Variants in PLEKHH3 observed in about 807,000 individuals in gnomAD.
PLEKHH3 encodes the protein pleckstrin homology, MyTH4 and FERM domain containing H3.
PLEKHH3 carries 57 observed loss-of-function variants against 77.8 expected under a neutral mutation model. The observed-to-expected ratio is 0.73, with a 90% CI of 0.59 to 0.91. The LOEUF (loss-of-function observed/expected upper bound fraction) is 0.91, where lower values mean the gene tolerates loss of function less well. Among genes scored for constraint, PLEKHH3 ranks in the 40% least tolerant of loss-of-function variants. PLEKHH3 has a pLI of 0.00. For missense variants in PLEKHH3, 1,082 were observed against 1,091.2 expected, an observed-to-expected ratio of 0.99 and a Z score of 0.12; for synonymous variants, 467 against 504.8, an observed-to-expected ratio of 0.93 and a Z score of 1.00.
chr17:42,672,417 A>G (rs549761471), intron 6 of PLEKHH3, 25 bp from the exon 7 acceptor site: 1 of 1,484,812 alleles, frequency 6.7e-7, no homozygotes, highest in African/African-American at 1.4e-5. Context: ...GGGCGGAGGG[A>G]CGGTTTGGAG....
In PLEKHH3 at chr17:42,673,692, G is replaced by T. The variant is rs1235719483; in HGVS notation, c.441C>A (p.Leu147=). Residue 147 remains leucine, a synonymous_variant, in exon 4 of 13, where the codon CTC becomes CTA. Coordinates refer to ENST00000591022, the MANE Select transcript of PLEKHH3 (RefSeq NM_024927.5). ...KGARRLGSLV[L]TSLCSVTGPE... ...GGCCGGTCACCGAGCACAGGCTGGT[G>T]AGCACGAGGCTCCCGAGACGCCGCG... 2 of 1,602,026 alleles carry T rather than the reference G, an allele frequency of 1.2e-6. No individual in the cohort carries two copies. The highest frequency in any genetic ancestry group is 1.7e-6 in the Non-Finnish European group (2 of 1,179,900).
At chr17:42,668,452 T>C (rs2143542522) in intron 12 of PLEKHH3, 149 bp from the exon 13 acceptor site, 2 of 593,442 alleles carry the variant, frequency 3.4e-6, no homozygotes, top group South Asian at 7.4e-5. Flanking sequence ...CACCACTCTC[T>C]CCTTCATTTC....
Position 42,671,067 on chromosome 17 carries a change from C to G in PLEKHH3, c.1348G>C (p.Glu450Gln), listed in dbSNP as rs201709134. The stretch of plus-strand genomic sequence containing the variant: ...GCTCGCTCCTGGGCCCCTCGCTGCT[C>G]GTACAGCGCGAATGCGTTGCGGCTC... ...ARSRNAFALY[E>Q]QRGAQERALA... The change falls in exon 9 of 13, where the codon GAG becomes CAG. Residue 450 changes from glutamate to glutamine, a missense_variant. Coordinates refer to ENST00000591022, the MANE Select transcript of PLEKHH3 (RefSeq NM_024927.5). The surrounding 1 kb of genome is among the most constrained non-coding windows in gnomAD (Gnocchi z 4.7). 201 of 1,609,192 alleles carry G rather than the reference C, an allele frequency of 1.2e-4. No homozygotes were observed. The highest frequency in any genetic ancestry group is 1.6e-4 in the Non-Finnish European group (190 of 1,178,030).
Position 42,672,110 on chromosome 17 carries a change from C to T in PLEKHH3, c.1052G>A (p.Gly351Glu), listed in dbSNP as rs558713990. ...CCTCTCCAAGTGCCCCAGGAGGTGC[C>T]CCCGCACAGCTCCCCCAGGTCGGAA... is the stretch of plus-strand genomic sequence containing the variant. ...CTFRPGGAVR[G>E]HLLGHLERTE... Residue 351 changes from glycine to glutamate, a missense_variant, in exon 7 of 13, where the codon GGG becomes GAG. Around this residue, in one of 3 missense-constraint regions of PLEKHH3, gnomAD observed 733 missense variants for 750.0 expected, o/e 0.98. Transcript: ENST00000591022. 2.0e-6 allele frequency: 3 copies of T among 1,511,054 alleles called. No homozygotes were observed. The highest frequency in any genetic ancestry group is 2.6e-5 in the South Asian group (2 of 78,048). 93.6% of individuals were successfully genotyped at this position (1,511,054 alleles called of 1,614,324 possible).
chr17:42,674,212 G>A, intron 2 of PLEKHH3, 142 bp downstream of exon 2: 1 of 1,161,108 alleles, frequency 8.6e-7, no homozygotes, highest in Non-Finnish European at 1.2e-6. Context: ...CAGCCGGACC[G>A]CCCCCCGGGA....
At chr17:42,672,519 T>G (rs1597792158) in intron 6 of PLEKHH3, 127 bp from the exon 7 acceptor site, 1 of 751,072 alleles carries the variant, frequency 1.3e-6, no homozygotes, top group Non-Finnish European at 2.1e-6. Flanking sequence ...GAGGGGAGGG[T>G]ACGAACGACA....
intron 4 of PLEKHH3, 22 bp downstream of exon 4, chr17:42,673,621 G>A: frequency 6.3e-7 from 1 of 1,599,784 alleles, no homozygotes; most frequent in South Asian, 1.1e-5. Context: ...AGGAAGGTAG[G>A]AGAGTCCCCA....
At position 42,673,663 on chromosome 17, in the gene PLEKHH3, T is replaced by A; in HGVS notation, c.470A>T (p.Glu157Val). The A allele has an allele frequency of 6.2e-7, 1 of 1,602,550 alleles. No homozygotes were observed. The highest frequency in any genetic ancestry group is 1.1e-5 in the South Asian group (1 of 91,044). Residue 157 changes from glutamate to valine, a missense_variant, in exon 4 of 13, where the codon GAG becomes GTG. Physicochemically the swap from Glu to Val is moderately radical, Grantham distance 121 (BLOSUM62 -2). Coordinates refer to ENST00000591022, the MANE Select transcript of PLEKHH3 (RefSeq NM_024927.5). ...LTSLCSVTGP[E>V]RRRKETGLWS... Reference sequence around the variant, plus strand: ...CTCACCTGTCTCCTTACGCCTGCGCTCTGGGCCGGTCACCGAGCACAGGCT... The same window carrying A: ...CTCACCTGTCTCCTTACGCCTGCGCACTGGGCCGGTCACCGAGCACAGGCT...
chr17:42,673,455 T>G lies in PLEKHH3; in HGVS notation c.592A>C (p.Ile198Leu). Residue 198 changes from isoleucine (I) to leucine (L), a missense_variant, in exon 5 of 13, where the codon ATC becomes CTC. Coordinates refer to ENST00000591022, the MANE Select transcript of PLEKHH3 (RefSeq NM_024927.5). ...GTCTCCAGGGGTGCCTTGGAGGCGA[T>G]CACTTCCCGCAATGCCACCCCCCAG... ...ERWGVALREV[I>L]ASKAPLETPT... is the part of the protein sequence containing the mutation. 4 of 1,613,086 alleles carry G rather than the reference T, an allele frequency of 2.5e-6. No individual in the cohort carries two copies. Among genetic ancestry groups the G allele is most frequent in the Non-Finnish European group, 3.4e-6 (4 of 1,179,856 alleles).
rs761065541 is a variant in PLEKHH3 at position 42,670,665 on chromosome 17, A to G, written c.1462T>C (p.Ser488Pro). The G allele has an allele frequency of 3.1e-6, 5 of 1,613,020 alleles. No individual in the cohort carries two copies. Among genetic ancestry groups the G allele is most frequent in the Non-Finnish European group, 4.2e-6 (5 of 1,179,810 alleles). Residue 488 changes from serine (S) to proline (P), a missense_variant, in exon 10 of 13, where the codon TCC (serine) becomes CCC (proline). Around this residue, in one of 3 missense-constraint regions of PLEKHH3, gnomAD observed 733 missense variants for 750.0 expected, o/e 0.98. Transcript: ENST00000591022. Reference protein sequence around the residue: ...EEAGLEDSPDSGWRLCLRLHG... With the variant: ...EEAGLEDSPDPGWRLCLRLHG... Reference sequence around the variant, plus strand: ...AGACGCAGACATAGTCTCCACCCGGAGTCGGGCGAGTCCTCCAACCCAGCT... The same window carrying G: ...AGACGCAGACATAGTCTCCACCCGGGGTCGGGCGAGTCCTCCAACCCAGCT...
chr17:42,672,283 G>A lies in PLEKHH3; in HGVS notation c.879C>T (p.Thr293=). ...CCCGGAGCGCGGGCAAGTCCCGGCAGGTTTGGAGCACACCCTGCATCAAGG... is the reference window on the plus strand; with the variant it reads ...CCCGGAGCGCGGGCAAGTCCCGGCAAGTTTGGAGCACACCCTGCATCAAGG... ...PGPLMQGVLQ[T]CRDLPALRDE... The change falls in exon 7 of 13, where the codon ACC becomes ACT. Residue 293 remains threonine (T), a synonymous_variant. Transcript: ENST00000591022. 14 of 1,550,434 alleles carry A rather than the reference G, an allele frequency of 9.0e-6. No individual in the cohort carries two copies. Among genetic ancestry groups the A allele is most frequent in the Non-Finnish European group, 1.2e-5 (14 of 1,146,926 alleles).
Position 42,673,439 on chromosome 17 carries a change from G to A in PLEKHH3, c.608C>T (p.Pro203Leu). 6.2e-7 allele frequency: 1 copy of A among 1,613,328 alleles called. No individual in the cohort carries two copies. The highest frequency in any genetic ancestry group is 8.5e-7 in the Non-Finnish European group (1 of 1,179,906). Residue 203 changes from proline to leucine, a missense_variant, in exon 5 of 13, where the codon CCC (proline) becomes CTC (leucine). Pro to Leu is a moderately conservative substitution (Grantham distance 98). This residue lies in a region of PLEKHH3 where 344 missense variants were observed against 320.8 expected (regional missense o/e 1.07). Coordinates refer to ENST00000591022, the MANE Select transcript of PLEKHH3 (RefSeq NM_024927.5). ...CAGTAGCTGGGTGGGGGTCTCCAGG[G>A]GTGCCTTGGAGGCGATCACTTCCCG... The part of the protein sequence containing the change: ...ALREVIASKA[P>L]LETPTQLLLR...
chr17:42,672,740 A>G (rs2052730857), intron 6 of PLEKHH3, among the ~76,000 whole-genome samples: 1 of 152,078 alleles, frequency 6.6e-6, no homozygotes, highest in Non-Finnish European at 1.5e-5. Context: ...GAGTCAGAAA[A>G]CCGGGGTTCC....
chr17:42,675,398 A>G (rs1049501325), intron 1 of PLEKHH3, among the ~76,000 whole-genome samples: 3 of 151,640 alleles, frequency 2.0e-5, no homozygotes, highest in African/African-American at 7.3e-5. Context: ...TCCTACGTGA[A>G]CCTCCACCTA....
Position 42,673,515 on chromosome 17 carries a change from G to A in PLEKHH3, c.532C>T (p.Arg178Cys), listed in dbSNP as rs375396592. 35 of 1,603,324 alleles carry A rather than the reference G, an allele frequency of 2.2e-5. No homozygotes were observed. The highest frequency in any genetic ancestry group is 2.4e-5 in the Non-Finnish European group (28 of 1,175,812). The change falls in exon 5 of 13, where the codon CGC becomes TGC. Residue 178 changes from arginine (R) to cysteine (C), a missense_variant. By Grantham distance (180) the Arg-to-Cys change is radical. Transcript: ENST00000591022. ...VTVSGRKHSV[R>C]LCSPRQAEAE... ...TCTGCCTGGCGTGGGGAGCAGAGGC[G>A]GACACTGTGTTTCCGACCAGACACA...
In PLEKHH3 at chr17:42,672,076, C is replaced by A. The variant is rs1275368986; in HGVS notation, c.1076+10G>T. The stretch of plus-strand genomic sequence containing the variant: ...CGCCTAGGCCGTAACCCCCACCTCG[C>A]CCCTCTCACCTCTCCAAGTGCCCCA... On this transcript the variant is annotated intron_variant, in intron 7 of 12. Coordinates refer to ENST00000591022, the MANE Select transcript of PLEKHH3 (RefSeq NM_024927.5). 6.2e-6 allele frequency: 9 copies of A among 1,459,514 alleles called. No homozygotes were observed. The highest frequency in any genetic ancestry group is 8.2e-6 in the Non-Finnish European group (9 of 1,101,440). The allele number at this position is 1,459,514 out of a possible 1,614,324, so 90.4% of individuals were successfully genotyped here. A position where few individuals can be genotyped will look rare whatever the true frequency, so the allele number is the denominator to read the frequency against.
Position 42,670,378 on chromosome 17 carries a change from T to A in PLEKHH3, c.1555-2A>T. 1 of 1,436,746 alleles carries A rather than the reference T, an allele frequency of 7.0e-7. No individual in the cohort carries two copies. Among genetic ancestry groups the A allele is most frequent in the Non-Finnish European group, 9.1e-7 (1 of 1,104,782 alleles). 89.0% of individuals were successfully genotyped at this position (1,436,746 alleles called of 1,614,324 possible). ...GCCCCGCAGCAGCAGAGCGTGAGCC[T>A]GCAGGGGAGGCACCCGGCGTCAGTG... is the stretch of plus-strand genomic sequence containing the variant. On this transcript the variant is annotated splice_acceptor_variant, in intron 10 of 12. Transcript: ENST00000591022. LOFTEE classifies it high-confidence loss of function.
intron 12 of PLEKHH3, chr17:42,668,999 G>T (rs1223071716): frequency 6.6e-6 from 1 of 152,110 alleles, no homozygotes; most frequent in African/African-American, 2.4e-5. Context: ...TTTTAGTAGA[G>T]ATGGGGTTTC....
At chr17:42,672,486 A>T in intron 6 of PLEKHH3, 94 bp from the exon 7 acceptor site, 2 of 1,108,306 alleles carry the variant, frequency 1.8e-6, no homozygotes, top group Non-Finnish European at 2.5e-6. Flanking sequence ...GTCAGAGGGA[A>T]TATAAGGGGA....
Sources: gnomAD v4.1 joint callset for allele counts (sites outside exome capture counted in the v4.1 genomes callset) on GRCh38, gnomAD v4.1.1 for gene constraint, gnomAD v4.1.1 regional missense constraint, Gnocchi (gnomAD v3.1) non-coding constraint, MANE v1.5 for transcripts, NCBI Gene and HGNC (gene_info 2026-07-23, HGNC 2026-07-21) for gene names.